Variants in HADH observed in about 807,000 individuals in gnomAD.
The protein encoded by HADH is hydroxyacyl-coenzyme A dehydrogenase, mitochondrial.
HADH carries 24 observed loss-of-function variants against 32.2 expected under a neutral mutation model. The ratio of observed to expected loss-of-function variants is 0.75; its 90% CI spans 0.54 to 1.05. The LOEUF (loss-of-function observed/expected upper bound fraction) is 1.05. HADH is among the 50% of genes least tolerant of loss of function. The pLI is 0.00. For missense variants in HADH, 350 were observed against 397.1 expected (o/e 0.88, Z 1.01); for synonymous variants, 139 against 152.5 (o/e 0.91, Z 0.65).
chr4:108,032,453 G>A, intron 6 of HADH: 1 of 808,652 alleles, frequency 1.2e-6, no homozygotes, highest in Non-Finnish European at 2.2e-6. Flanking sequence ...AAAAAACTGG[G>A]GGAAAGAATA....
chr4:108,029,229 C>T (rs1033639023), intron 6 of HADH: 4 of 243,790 alleles, frequency 1.6e-5, no homozygotes, highest in Admixed American at 5.6e-5. Context: ...GCATGCCCAC[C>T]GTGCCATCTC....
chr4:108,017,241 A>C (rs947525019), intron 3 of HADH, among the ~76,000 whole-genome samples: 13 of 152,196 alleles, frequency 8.5e-5, no homozygotes, highest in African/African-American at 1.2e-4. Flanking sequence ...TGCATCCTGG[A>C]GAGAACATGA....
intron 1 of HADH, chr4:108,004,920 A>G: frequency 6.5e-7 from 1 of 1,533,068 alleles, no homozygotes; most frequent in Non-Finnish European, 8.7e-7. Context: ...TTAAAGAGGT[A>G]AGATGACCCT....
intron 7 of HADH, among the ~76,000 whole-genome samples, chr4:108,033,519 C>T (rs1736351098): frequency 6.6e-6 from 1 of 152,128 alleles, no homozygotes; most frequent in African/African-American, 2.4e-5. Flanking sequence ...TATGGATTCA[C>T]AGGAAGTTAC....
At position 108,009,863 on chromosome 4, in the gene HADH, G is replaced by T. The variant is rs150930917; in HGVS notation, c.237G>T (p.Lys79Asn). Residue 79 changes from lysine to asparagine, a missense_variant, in exon 2 of 8, where the codon AAG becomes AAT. Lys to Asn is a moderately conservative substitution (Grantham distance 94). Coordinates refer to ENST00000309522, the MANE Select transcript of HADH (RefSeq NM_005327.7). Reference sequence around the variant, plus strand: ...AGGAAAGCCTTAGGAAAGTGGCAAAGAAGAAGTTTGCAGAAAACCTTAAGG... The same window carrying T: ...AGGAAAGCCTTAGGAAAGTGGCAAATAAGAAGTTTGCAGAAAACCTTAAGG... ...GIEESLRKVA[K>N]KKFAENLKAG... 1.2e-6 allele frequency: 2 copies of T among 1,611,386 alleles called. No homozygotes were observed. Among genetic ancestry groups the T allele is most frequent in the African/African-American group, 2.7e-5 (2 of 74,854 alleles).
At chr4:108,028,597 A>G (rs1736143463) in intron 6 of HADH, 1 of 356,466 alleles carries the variant, frequency 2.8e-6, no homozygotes, top group Admixed American at 4.7e-5. Flanking sequence ...TTTAAATATT[A>G]AAACTTTTCT....
At chr4:108,032,583 G>GA (rs1328618490) in intron 6 of HADH, 4 of 475,260 alleles carry the variant, frequency 8.4e-6, no homozygotes, top group African/African-American at 5.7e-5. Flanking sequence ...TCCAGAGTTG[G>GA]AAAATCCCAA....
intron 5 of HADH, chr4:108,024,701 A>G (rs1229198574): frequency 6.6e-6 from 1 of 152,262 alleles, no homozygotes; most frequent in Non-Finnish European, 1.5e-5. Context: ...TTACGCAGTT[A>G]TGCTTTGTTA....
intron 1 of HADH, among the ~76,000 whole-genome samples, chr4:107,998,573 C>T (rs542854299): frequency 5.3e-5 from 8 of 152,146 alleles, no homozygotes; most frequent in East Asian, 1.9e-4. Context: ...CTACCGCGCC[C>T]GGCTGATTTT....
intron 6 of HADH, 88 bp from the exon 7 acceptor site, chr4:108,033,088 A>G (rs1422878195): frequency 1.3e-6 from 1 of 797,364 alleles, no homozygotes; most frequent in African/African-American, 1.7e-5. Context: ...GCAAGCATAT[A>G]AAATTCTAGT....
At position 108,019,600 on chromosome 4, in the gene HADH, C is replaced by T; in HGVS notation, c.480C>T (p.Thr160=). The T allele has an allele frequency of 6.2e-7, 1 of 1,614,026 alleles. No homozygotes were observed. The highest frequency in any genetic ancestry group is 1.7e-5 in the Admixed American group (1 of 60,020). Residue 160 remains threonine, a synonymous_variant, in exon 4 of 8, where the codon ACC becomes ACT. Coordinates refer to ENST00000309522, the MANE Select transcript of HADH (RefSeq NM_005327.7). ...SLQITSIANA[T]TRQDRFAGLH... ...AGATTACAAGCATAGCTAATGCCAC[C>T]ACCAGACAAGACCGATTCGCTGGCC...
rs1288033527 is a variant in HADH at position 108,034,255 on chromosome 4, T to G, written c.843T>G (p.Asp281Glu). The change falls in exon 8 of 8, where the codon GAT (aspartate) becomes GAG (glutamate). Residue 281 changes from aspartate to glutamate, a missense_variant. Physicochemically the swap from Asp to Glu is conservative, Grantham distance 45. Coordinates refer to ENST00000309522, the MANE Select transcript of HADH (RefSeq NM_005327.7). ...KFIVDGWHEMDAENPLHQPSP... is the reference protein window; with the variant it reads ...KFIVDGWHEMEAENPLHQPSP... ...GCTCAATAGGGTGGCATGAAATGGA[T>G]GCAGAGAACCCATTACATCAGCCCA... The G allele has an allele frequency of 1.9e-6, 3 of 1,609,840 alleles. No individual in the cohort carries two copies. The highest frequency in any genetic ancestry group is 1.7e-4 in the Middle Eastern group (1 of 6,048).
rs564400611 is a variant in HADH, at chr4:108,034,698, C to G, written c.*341C>G. On this transcript the variant is annotated 3_prime_UTR_variant, in exon 8 of 8. Transcript: ENST00000309522. ...TCTCATCAACGGGAAAGTACTTCCT[C>G]TGAGAGTGCGAGTGCACCATGCTCA... The G allele has an allele frequency of 1.9e-5, 7 of 360,584 alleles. No individual in the cohort carries two copies. The highest frequency in any genetic ancestry group is 1.3e-4 in the South Asian group (6 of 46,754). 22.3% of individuals were successfully genotyped at this position (360,584 alleles called of 1,614,324 possible).
intron 3 of HADH, among the ~76,000 whole-genome samples, chr4:108,017,585 G>A (rs1456824653): frequency 1.3e-5 from 2 of 149,070 alleles, no homozygotes; most frequent in African/African-American, 2.5e-5. Context: ...ACGGAGTCTC[G>A]CTCTGTCGCC....
chr4:108,022,376 A>G (rs6533340), intron 4 of HADH, among the ~76,000 whole-genome samples: 131,838 of 152,132 alleles, frequency 0.87, 58,011 homozygotes, highest in East Asian at 0.97. Context: ...GCTTGGTGCC[A>G]TCCCCTACAG....
At chr4:108,006,777 C>G (rs1735305950) in intron 1 of HADH, among the ~76,000 whole-genome samples, 2 of 152,160 alleles carry the variant, frequency 1.3e-5, no homozygotes, top group African/African-American at 4.8e-5. Flanking sequence ...GACATGGAAA[C>G]TGTCATTTGT....
chr4:108,023,395 T>C (rs1006213016), intron 4 of HADH, 79 bp from the exon 5 acceptor site: 1 of 849,894 alleles, frequency 1.2e-6, no homozygotes, highest in Non-Finnish European at 2.1e-6. Flanking sequence ...TGGAGCCTTT[T>C]GATCAATCAT....
At chr4:108,004,833 G>T in intron 1 of HADH, 1 of 1,535,982 alleles carries the variant, frequency 6.5e-7, no homozygotes, top group Non-Finnish European at 8.7e-7. Context: ...GCTGGAGGAA[G>T]GAACATGACC....
chr4:108,032,385 G>C lies in HADH; in HGVS notation c.710-791G>C, dbSNP rs771684669. 3 of 1,581,916 alleles carry C rather than the reference G, an allele frequency of 1.9e-6. No homozygotes were observed. In the African/African-American group the frequency reaches 4.0e-5, roughly 21 times the overall value. On this transcript the variant is annotated intron_variant, in intron 6 of 7. Transcript: ENST00000309522. ...TGGGCTTTTCTTTAAAAGGTATCTT[G>C]ACTAAAAGGTTTGTGTGAAATGTGA...
Sources: gnomAD v4.1 joint callset for allele counts (sites outside exome capture counted in the v4.1 genomes callset) on GRCh38, gnomAD v4.1.1 for gene constraint, MANE v1.5 for transcripts, NCBI Gene and HGNC (gene_info 2026-07-23, HGNC 2026-07-21) for gene names.